Variants in CLPP observed in about 807,000 individuals in gnomAD.
The protein encoded by CLPP is caseinolytic mitochondrial matrix peptidase proteolytic subunit.
A neutral mutation model predicts 27.4 loss-of-function variants in CLPP; 14 were observed. That is an observed-to-expected ratio of 0.51 (90% CI 0.34 to 0.80). CLPP has a LOEUF of 0.80. Among genes scored for constraint, CLPP ranks in the 30% least tolerant of loss-of-function variants. The pLI is 0.02. For synonymous variants in CLPP, 193 were observed against 166.6 expected (o/e 1.16, Z -1.22); for missense variants, 361 against 403.6 (o/e 0.89, Z 0.90).
intron 2 of CLPP, 173 bp from the exon 3 acceptor site, chr19:6,362,273 C>A: frequency 1.6e-6 from 1 of 612,682 alleles, no homozygotes. Context: ...TCCAAACCCC[C>A]TGGGTCCTCT....
In CLPP at chr19:6,370,148, C is replaced by G. The variant is rs1291269765; in HGVS notation, c.*1438C>G. The stretch of plus-strand genomic sequence containing the variant: ...CAAAGGAACAGGCTTGGGGAGGGAT[C>G]AGGAGTTGATTTTGGATATATTATA... On this transcript the variant is annotated 3_prime_UTR_variant, in exon 6 of 6. Transcript: ENST00000245816. Among the ~76,000 whole-genome samples the G allele has an allele frequency of 6.6e-6, 1 of 152,168 alleles. No individual in the cohort carries two copies. The highest frequency in any genetic ancestry group is 2.4e-5 in the African/African-American group (1 of 41,436).
At chr19:6,363,512 G>C (rs1021365876) in intron 3 of CLPP, among the ~76,000 whole-genome samples, 3 of 152,076 alleles carry the variant, frequency 2.0e-5, no homozygotes, top group African/African-American at 4.8e-5. Context: ...TAAAGCAAGC[G>C]CTCTGCCTTT....
chr19:6,362,604 AC>A, intron 3 of CLPP, 62 bp downstream of exon 3: 1 of 1,134,660 alleles, frequency 8.8e-7, no homozygotes, highest in Non-Finnish European at 1.3e-6. Context: ...GACTCAGGGG[AC>A]CAGAATCCCG....
At chr19:6,368,449 C>A in intron 5 of CLPP, 89 bp from the exon 6 acceptor site, 1 of 1,308,966 alleles carries the variant, frequency 7.6e-7, no homozygotes, top group Non-Finnish European at 1.1e-6. Context: ...GGGTGGTGGG[C>A]ACAAACATTC....
chr19:6,362,445 G>A lies in CLPP; in HGVS notation c.271-1G>A. 6.2e-7 allele frequency: 1 copy of A among 1,613,082 alleles called. No homozygotes were observed. ...GACACCCCTGCCCTCTCCACCTGCA[G>A]ATCGATGACAGCGTTGCCAGCCTTG... On this transcript the variant is annotated splice_acceptor_variant, in intron 2 of 5. Transcript: ENST00000245816. LOFTEE classifies it high-confidence loss of function.
At chr19:6,365,388 G>C (rs73561877) in intron 4 of CLPP, among the ~76,000 whole-genome samples, 7,375 of 152,128 alleles carry the variant, frequency 0.048, 425 homozygotes, top group African/African-American at 0.14. Context: ...GCTGAGATAG[G>C]AGAATCACTT....
At chr19:6,367,638 G>A (rs1475902036) in intron 5 of CLPP, among the ~76,000 whole-genome samples, 1 of 151,974 alleles carries the variant, frequency 6.6e-6, no homozygotes, top group Non-Finnish European at 1.5e-5. Flanking sequence ...TGGTCCTGTA[G>A]GGTATGTTCA....
At chr19:6,361,793 C>G in intron 1 of CLPP, 21 bp downstream of exon 1, 1 of 1,563,562 alleles carries the variant, frequency 6.4e-7, no homozygotes, top group Non-Finnish European at 8.6e-7. Context: ...CGGGCGGGGA[C>G]ACGGTTCGGG....
rs1206064196 is a variant in CLPP, at chr19:6,369,475, C to G, written c.*765C>G. On this transcript the variant is annotated 3_prime_UTR_variant, in exon 6 of 6. Transcript: ENST00000245816. ...TGCAAGTGTGAGGGTAAGCGTGTTA[C>G]AGTTTTTTATGGGGTAATCAGGGAA... Among the ~76,000 whole-genome samples, 1 of 149,238 alleles carries G rather than the reference C, an allele frequency of 6.7e-6. No homozygotes were observed. Among genetic ancestry groups the G allele is most frequent in the South Asian group, 2.1e-4 (1 of 4,750 alleles).
chr19:6,368,983 T>TC lies in CLPP; in HGVS notation c.*275dup. On this transcript the variant is annotated 3_prime_UTR_variant, in exon 6 of 6. Coordinates refer to ENST00000245816, the MANE Select transcript of CLPP (RefSeq NM_006012.4). ...GTTTCACAGGCCCCTTCTGCTTTTGTCCTGACCCCAAGAGGCAAGCCATGT... is the reference window on the plus strand; with the variant it reads ...GTTTCACAGGCCCCTTCTGCTTTTGTCCCTGACCCCAAGAGGCAAGCCATGT... 2.3e-6 allele frequency: 1 copy of TC among 441,832 alleles called. No individual in the cohort carries two copies. Among genetic ancestry groups the TC allele is most frequent in the Non-Finnish European group, 4.0e-6 (1 of 246,952 alleles). The allele number at this position is 441,832 out of a possible 1,614,324, so 27.4% of individuals were successfully genotyped here. A position where few individuals can be genotyped will look rare whatever the true frequency, so the allele number is the denominator to read the frequency against.
chr19:6,364,470 G>T lies in CLPP; in HGVS notation c.386G>T (p.Gly129Val). 6.2e-7 allele frequency: 1 copy of T among 1,609,194 alleles called. No individual in the cohort carries two copies. Among genetic ancestry groups the T allele is most frequent in the Non-Finnish European group, 8.5e-7 (1 of 1,178,956 alleles). ...CCCACAGGTGGTGTGGTGACCGCGG[G>T]CCTGGCCATCTACGACACGATGCAG... ...INSPGGVVTA[G>V]LAIYDTMQYI... The change falls in exon 4 of 6, where the codon GGC (glycine) becomes GTC (valine). Residue 129 changes from glycine to valine, a missense_variant. Transcript: ENST00000245816.
intron 3 of CLPP, 109 bp downstream of exon 3, chr19:6,362,651 AG>A: frequency 1.3e-6 from 1 of 784,128 alleles, no homozygotes; most frequent in South Asian, 1.5e-5. Flanking sequence ...AAGGGTGCAG[AG>A]CGTCAGAGTT....
rs555969616 is a variant in CLPP at position 6,366,781 on chromosome 19, G to C, written c.661+418G>C. On this transcript the variant is annotated intron_variant, in intron 5 of 5. Coordinates refer to ENST00000245816, the MANE Select transcript of CLPP (RefSeq NM_006012.4). The stretch of plus-strand genomic sequence containing the variant: ...AGCCTCCTCAGTAGCTGGGACTACA[G>C]GGATGCACCACCATGCCTGGCTAAT... 1.2e-4 allele frequency among the ~76,000 whole-genome samples: 19 copies of C among 152,102 alleles called. No homozygotes were observed. The East Asian group carries it at 3.7e-3, about 30-fold the overall frequency.
chr19:6,363,567 C>T (rs968001684), intron 3 of CLPP, among the ~76,000 whole-genome samples: 9 of 152,246 alleles, frequency 5.9e-5, no homozygotes, highest in African/African-American at 1.9e-4. Context: ...ACCTCCCAAC[C>T]CCTGGAAGCA....
In CLPP at chr19:6,366,250, T is replaced by A. The variant is rs752350248; in HGVS notation, c.556-8T>A. On this transcript the variant is annotated splice_region_variant and splice_polypyrimidine_tract_variant and intron_variant, in intron 4 of 5. Coordinates refer to ENST00000245816, the MANE Select transcript of CLPP (RefSeq NM_006012.4). ...CTTTACCCCCTCACTCCCTTGGACG[T>A]CCCTCAGGGCCAAGCCACAGACATT... 1 of 1,602,258 alleles carries A rather than the reference T, an allele frequency of 6.2e-7. No homozygotes were observed. Among genetic ancestry groups the A allele is most frequent in the Admixed American group, 1.7e-5 (1 of 58,950 alleles).
intron 3 of CLPP, among the ~76,000 whole-genome samples, chr19:6,363,820 G>A (rs1213373063): frequency 6.0e-5 from 9 of 151,218 alleles, no homozygotes; most frequent in East Asian, 4.1e-4. Flanking sequence ...GCATAAACCC[G>A]GGAGGTGGAG....
chr19:6,363,836 A>G (rs540424181), intron 3 of CLPP, among the ~76,000 whole-genome samples: 7 of 150,210 alleles, frequency 4.7e-5, no homozygotes, highest in Admixed American at 2.7e-4. Flanking sequence ...TGGAGGTTGC[A>G]GTGAGCTGAG....
intron 2 of CLPP, 126 bp from the exon 3 acceptor site, chr19:6,362,320 T>A: frequency 9.1e-6 from 6 of 657,182 alleles, no homozygotes; most frequent in Non-Finnish European, 1.6e-5. Context: ...GGGGCCTAAA[T>A]TCTTCCCCAT....
At position 6,361,869 on chromosome 19, in the gene CLPP, G is replaced by A. The variant is rs372017022; in HGVS notation, c.199G>A (p.Gly67Ser). 1 of 1,597,866 alleles carries A rather than the reference G, an allele frequency of 6.3e-7. No individual in the cohort carries two copies. The highest frequency in any genetic ancestry group is 1.1e-5 in the South Asian group (1 of 91,006). The change falls in exon 2 of 6, where the codon GGT becomes AGT. Residue 67 changes from glycine (G) to serine (S), a missense_variant and splice_region_variant. Coordinates refer to ENST00000245816, the MANE Select transcript of CLPP (RefSeq NM_006012.4). ...CTCACCTCCATCTTTCTACCCCCAG[G>A]GTCGCGGCGAGCGCGCCTATGACAT... ...PLIPIVVEQTGRGERAYDIYS... is the reference protein window; with the variant it reads ...PLIPIVVEQTSRGERAYDIYS...
Sources: allele counts gnomAD v4.1 joint callset (sites outside exome capture counted in the v4.1 genomes callset), GRCh38; gene constraint gnomAD v4.1.1; transcripts MANE v1.5; gene names NCBI Gene and HGNC (gene_info 2026-07-23, HGNC 2026-07-21).